Variants in GABRB2 observed in about 807,000 individuals in gnomAD.
GABRB2 encodes the protein gamma-aminobutyric acid type A receptor subunit beta2.
GABRB2 carries 16 observed loss-of-function variants against 54.7 expected under a neutral mutation model. The ratio of observed to expected loss-of-function variants is 0.29; its 90% CI spans 0.20 to 0.44. The LOEUF (loss-of-function observed/expected upper bound fraction) is 0.44, where lower values mean the gene tolerates loss of function less well. GABRB2 is among the 20% of genes least tolerant of loss of function. The pLI is 1.00. For missense variants in GABRB2, 355 were observed against 644.0 expected (o/e 0.55, Z 4.86); for synonymous variants, 244 against 233.8 (o/e 1.04, Z -0.40).
rs375851826 is a variant in GABRB2, at chr5:161,385,051, A to G, written c.541+25924T>C. ...CCCAGGCACCCATGAAGTCGACTAC[A>G]GAAGAAGCAATCCCCAGCTGCAGCT... On this transcript the variant is annotated intron_variant, in intron 5 of 9. Coordinates refer to ENST00000393959, the MANE Select transcript of GABRB2 (RefSeq NM_001371727.1). Among the ~76,000 whole-genome samples, 532 of 152,268 alleles carry G rather than the reference A, an allele frequency of 3.5e-3. 4 individuals carry two copies. The highest frequency in any genetic ancestry group is 0.012 in the African/African-American group (509 of 41,552).
At chr5:161,364,123 T>C (rs1190768169) in intron 5 of GABRB2, among the ~76,000 whole-genome samples, 1 of 152,076 alleles carries the variant, frequency 6.6e-6, no homozygotes, top group Non-Finnish European at 1.5e-5. Context: ...TTATTCTATA[T>C]TCCACACTAT....
chr5:161,456,114 C>T (rs185387438), intron 4 of GABRB2, among the ~76,000 whole-genome samples: 146 of 152,266 alleles, frequency 9.6e-4, no homozygotes, highest in African/African-American at 3.3e-3. Context: ...AGACATTCAG[C>T]TTACAGGCTT....
At chr5:161,390,919 T>A (rs17520912) in intron 5 of GABRB2, among the ~76,000 whole-genome samples, 2,924 of 152,252 alleles carry the variant, frequency 0.019, 39 homozygotes, top group Middle Eastern at 0.082. Context: ...ACCATGTGCA[T>A]CTTCTTAGGT....
At chr5:161,322,074 T>C (rs1446940275) in intron 9 of GABRB2, among the ~76,000 whole-genome samples, 2 of 152,248 alleles carry the variant, frequency 1.3e-5, no homozygotes, top group East Asian at 3.9e-4. Context: ...GTTCAACCAC[T>C]GCTTAGCTAT....
At chr5:161,492,912 T>C (rs1020158439) in intron 3 of GABRB2, among the ~76,000 whole-genome samples, 3 of 151,788 alleles carry the variant, frequency 2.0e-5, no homozygotes, top group Non-Finnish European at 3.0e-5. Flanking sequence ...CAAAAGTATA[T>C]ACATTTCTTC....
intron 9 of GABRB2, among the ~76,000 whole-genome samples, chr5:161,304,974 G>A (rs552430085): frequency 8.2e-4 from 124 of 150,892 alleles, no homozygotes; most frequent in Admixed American, 1.7e-3. Context: ...AGGAAAAGGG[G>A]AAGAAAACTA....
At chr5:161,372,229 C>T (rs752409645) in intron 5 of GABRB2, among the ~76,000 whole-genome samples, 8 of 152,132 alleles carry the variant, frequency 5.3e-5, no homozygotes, top group African/African-American at 1.4e-4. Flanking sequence ...GAACTTGCAA[C>T]TTCTCTTTGA....
At chr5:161,487,414 C>T (rs938510790) in intron 3 of GABRB2, among the ~76,000 whole-genome samples, 6 of 151,696 alleles carry the variant, frequency 4.0e-5, no homozygotes, top group Admixed American at 2.6e-4. Context: ...TGAATGCTTC[C>T]GTGAAAAATG....
intron 3 of GABRB2, among the ~76,000 whole-genome samples, chr5:161,503,845 C>T (rs1356524522): frequency 6.6e-6 from 1 of 150,952 alleles, no homozygotes; most frequent in Admixed American, 6.6e-5. Flanking sequence ...TAATGATACA[C>T]ACAGGTATGA....
At chr5:161,450,493 T>A (rs1473035073) in intron 4 of GABRB2, among the ~76,000 whole-genome samples, 2 of 152,164 alleles carry the variant, frequency 1.3e-5, no homozygotes, top group South Asian at 2.1e-4. Context: ...GTATTTCTGA[T>A]CCTGCTATTG....
intron 3 of GABRB2, among the ~76,000 whole-genome samples, chr5:161,526,025 C>T (rs4426954): frequency 0.46 from 70,050 of 150,912 alleles, 17,874 homozygotes; most frequent in South Asian, 0.6. Flanking sequence ...TTGCCTTCTT[C>T]TCAAAGGTAC....
At chr5:161,296,354 T>A (rs1409049275) in intron 9 of GABRB2, among the ~76,000 whole-genome samples, 5 of 152,178 alleles carry the variant, frequency 3.3e-5, no homozygotes, top group African/African-American at 1.2e-4. Flanking sequence ...CCATGCATGA[T>A]GTTGTTCAGA....
chr5:161,437,345 C>T (rs1461473282), intron 4 of GABRB2, among the ~76,000 whole-genome samples: 2 of 151,930 alleles, frequency 1.3e-5, no homozygotes, highest in Non-Finnish European at 2.9e-5. Context: ...AGTTATGAGG[C>T]CCCCATTTCA....
chr5:161,407,463 A>G (rs1756379179), intron 5 of GABRB2, among the ~76,000 whole-genome samples: 1 of 152,058 alleles, frequency 6.6e-6, no homozygotes, highest in Non-Finnish European at 1.5e-5. Flanking sequence ...ACAGTTCTAA[A>G]TTATACTTGG....
At chr5:161,326,240 C>A in intron 9 of GABRB2, 128 bp downstream of exon 9, 1 of 1,332,746 alleles carries the variant, frequency 7.5e-7, no homozygotes, top group South Asian at 1.6e-5. Context: ...TTTAACTTAT[C>A]CCCAAGACTC....
intron 3 of GABRB2, among the ~76,000 whole-genome samples, chr5:161,506,882 C>T (rs973318320): frequency 6.6e-6 from 1 of 152,002 alleles, no homozygotes; most frequent in South Asian, 2.1e-4. Flanking sequence ...AATCAGTTAT[C>T]CAAATAGAAA....
At chr5:161,328,646 G>A (rs1477291866) in intron 8 of GABRB2, among the ~76,000 whole-genome samples, 4 of 152,090 alleles carry the variant, frequency 2.6e-5, no homozygotes, top group African/African-American at 9.7e-5. Context: ...AAAGAAAATG[G>A]AGAAACAACT....
intron 8 of GABRB2, chr5:161,327,002 G>A (rs897096740): frequency 1.0e-6 from 1 of 981,896 alleles, no homozygotes. Flanking sequence ...CTACGGGCAA[G>A]AACAGTGGGT....
chr5:161,370,095 A>G (rs1451064654), intron 5 of GABRB2, among the ~76,000 whole-genome samples: 1 of 152,168 alleles, frequency 6.6e-6, no homozygotes, highest in Non-Finnish European at 1.5e-5. Context: ...AGACCAAATT[A>G]TGAAGAAGAA....
Sources: gnomAD v4.1 joint callset for allele counts (sites outside exome capture counted in the v4.1 genomes callset) on GRCh38, gnomAD v4.1.1 for gene constraint, MANE v1.5 for transcripts, NCBI Gene and HGNC (gene_info 2026-07-23, HGNC 2026-07-21) for gene names.